LMF1: variants seen among roughly 807,000 people sequenced by gnomAD.
LMF1 encodes lipase maturation factor 1, also known as transmembrane protein 112.
In LMF1, 68 loss-of-function variants were observed where a neutral mutation model predicts 60.6. The ratio of observed to expected loss-of-function variants is 1.12; its 90% CI spans 0.92 to 1.37. The LOEUF (loss-of-function observed/expected upper bound fraction) is 1.37, where lower values mean the gene tolerates loss of function less well. Ranked by LOEUF, LMF1 falls within the 40% of genes most tolerant of loss-of-function variation. LMF1 has a pLI of 0.00. For missense variants in LMF1, 948 were observed against 767.2 expected, an observed-to-expected ratio of 1.24 and a Z score of -2.78; for synonymous variants, 418 against 324.7, an observed-to-expected ratio of 1.29 and a Z score of -3.09.
rs2072835791 is a variant in LMF1, at chr16:962,653, C to G, written c.194-7987G>C. Among the ~76,000 whole-genome samples, 1 of 152,232 alleles carries G rather than the reference C, an allele frequency of 6.6e-6. No homozygotes were observed. The highest frequency in any genetic ancestry group is 1.5e-5 in the Non-Finnish European group (1 of 68,044). ...GAGGGACGCTCTACAGACGCCATGA[C>G]AGGCCTGCTTGACACTGTCAAGGTC... is the stretch of plus-strand genomic sequence containing the variant. On this transcript the variant is annotated intron_variant, in intron 1 of 10. Transcript: ENST00000262301. This position sits in a 1 kb window ranked among gnomAD's most constrained non-coding sequence, Gnocchi z 4.5.
intron 3 of LMF1, among the ~76,000 whole-genome samples, chr16:918,464 T>C (rs982324763): frequency 6.6e-5 from 10 of 152,256 alleles, no homozygotes; most frequent in Non-Finnish European, 1.5e-4. Flanking sequence ...AAAGAGTGTT[T>C]AGGATTAATG....
In LMF1 at chr16:862,089, A is replaced by G. The variant is rs77920476; in HGVS notation, c.1529+6855T>C. ...GTGGATCTCATCGACTGATTCTCAAATACGGAACCAACCTTCATCCCTGGA... is the reference window on the plus strand; with the variant it reads ...GTGGATCTCATCGACTGATTCTCAAGTACGGAACCAACCTTCATCCCTGGA... On this transcript the variant is annotated intron_variant, in intron 10 of 10. Coordinates refer to ENST00000262301, the MANE Select transcript of LMF1 (RefSeq NM_022773.4). 6.8e-3 allele frequency among the ~76,000 whole-genome samples: 1,024 copies of G among 149,886 alleles called. 14 individuals are homozygous for G. The highest frequency in any genetic ancestry group is 0.024 in the African/African-American group (978 of 40,678).
intron 3 of LMF1, among the ~76,000 whole-genome samples, chr16:917,988 G>A (rs1214186822): frequency 2.0e-5 from 3 of 152,332 alleles, no homozygotes; most frequent in Non-Finnish European, 2.9e-5. Context: ...TCTGCTGCCC[G>A]CAAGACATAC....
At chr16:967,263 C>T (rs76357648) in intron 1 of LMF1, among the ~76,000 whole-genome samples, 1,850 of 152,356 alleles carry the variant, frequency 0.012, 26 homozygotes, top group South Asian at 0.1. Flanking sequence ...TTGCCACACA[C>T]GCCCCCGTAC....
upstream of LMF1, among the ~76,000 whole-genome samples, chr16:972,249 CT>C (rs893437061): frequency 6.4e-5 from 6 of 94,314 alleles, no homozygotes; most frequent in African/African-American, 3.1e-4. Context: ...GTTTCCATTT[CT>C]TTTCTATGAA....
Position 871,345 on chromosome 16 carries a change from T to G in LMF1, c.898-4A>C, listed in dbSNP as rs746965157. The G allele has an allele frequency of 3.1e-6, 5 of 1,610,622 alleles. No individual in the cohort carries two copies. Among genetic ancestry groups the G allele is most frequent in the Non-Finnish European group, 3.4e-6 (4 of 1,179,350 alleles). On this transcript the variant is annotated splice_region_variant and splice_polypyrimidine_tract_variant and intron_variant, in intron 6 of 10. Coordinates refer to ENST00000262301, the MANE Select transcript of LMF1 (RefSeq NM_022773.4). ...TCCCGCTGACGATGAGGACGGCCTG[T>G]GGAGACGCCGCAGCTGAGTCTCGTG...
In LMF1 at chr16:895,728, G is replaced by C. The variant is rs11859335; in HGVS notation, c.664-2656C>G. ...GACACGAATGAGAAACGGCAGGGGA[G>C]TGGGACCAAGAGCCCAGCCCGGCCC... On this transcript the variant is annotated intron_variant, in intron 4 of 10. Coordinates refer to ENST00000262301, the MANE Select transcript of LMF1 (RefSeq NM_022773.4). Among the ~76,000 whole-genome samples, 7 of 151,540 alleles carry C rather than the reference G, an allele frequency of 4.6e-5. No individual in the cohort carries two copies. The South Asian group carries it at 1.5e-3, about 32-fold the overall frequency.
chr16:870,922 T>G (rs537438168), intron 7 of LMF1, 40 bp from the exon 8 acceptor site: 1 of 1,562,678 alleles, frequency 6.4e-7, no homozygotes, highest in African/African-American at 1.3e-5. Flanking sequence ...GGCTCCCAGC[T>G]GCCCCGTGGC....
chr16:917,476 G>A (rs550877011), intron 3 of LMF1, among the ~76,000 whole-genome samples: 23 of 128,776 alleles, frequency 1.8e-4, no homozygotes, highest in African/African-American at 4.6e-4. Flanking sequence ...ACACGTGTGC[G>A]CTGCGGGCGG....
intron 9 of LMF1, 54 bp downstream of exon 9, chr16:869,822 TATGGGCA>T: frequency 6.5e-7 from 1 of 1,532,370 alleles, no homozygotes; most frequent in Non-Finnish European, 8.9e-7. Context: ...ACCTGCCATC[TATGGGCA>T]GAAGAGGGTG....
chr16:873,070 T>TTCGGGGC (rs1279591971), intron 6 of LMF1: 1 of 152,282 alleles, frequency 6.6e-6, no homozygotes, highest in Non-Finnish European at 1.5e-5. Flanking sequence ...CTAAGAAAGC[T>TTCGGGGC]TCGGGGCTCG....
At chr16:869,261 C>A (rs2069704927) in intron 9 of LMF1, 2 of 667,432 alleles carry the variant, frequency 3.0e-6, no homozygotes, top group Non-Finnish European at 5.5e-6. Flanking sequence ...CCCATGTCGG[C>A]CGCTGGCTTC....
chr16:964,249 T>C (rs1490692540), intron 1 of LMF1: 15 of 405,554 alleles, frequency 3.7e-5, no homozygotes, highest in Non-Finnish European at 6.7e-5. Flanking sequence ...TGAGAGGAGA[T>C]TGCACCACTG....
intron 1 of LMF1, among the ~76,000 whole-genome samples, chr16:958,255 A>G (rs1222062475): frequency 6.6e-6 from 1 of 152,244 alleles, no homozygotes; most frequent in Non-Finnish European, 1.5e-5. Flanking sequence ...ACTTTATCAA[A>G]CTGAAAAACT....
chr16:870,204 G>A (rs1157797974), intron 8 of LMF1, 138 bp from the exon 9 acceptor site: 3 of 992,476 alleles, frequency 3.0e-6, no homozygotes, highest in African/African-American at 1.6e-5. Context: ...TCCTGGTCAG[G>A]GGCTACTGAG....
chr16:917,408 T>C (rs1057515183), intron 3 of LMF1, among the ~76,000 whole-genome samples: 2 of 134,632 alleles, frequency 1.5e-5, no homozygotes, highest in Non-Finnish European at 3.1e-5. Flanking sequence ...CAGGCCCACG[T>C]GAAGAAATGC....
intron 7 of LMF1, 43 bp downstream of exon 7, chr16:871,118 T>C (rs747027359): frequency 5.3e-6 from 8 of 1,507,662 alleles, no homozygotes; most frequent in Non-Finnish European, 7.1e-6. Flanking sequence ...ACCACCCGAC[T>C]TTCTCCTGCC....
intron 1 of LMF1, chr16:976,833 C>G (rs76095567): frequency 1.3e-5 from 6 of 454,032 alleles, no homozygotes; most frequent in African/African-American, 1.2e-4. Flanking sequence ...CGCCTGCTCC[C>G]TGAATCCTTT....
At chr16:912,984 G>A (rs1003132108) in intron 3 of LMF1, among the ~76,000 whole-genome samples, 2 of 152,214 alleles carry the variant, frequency 1.3e-5, no homozygotes, top group Non-Finnish European at 2.9e-5. Flanking sequence ...TGCCTGAAGC[G>A]AGCCCCAGGC....
Sources: gnomAD v4.1 joint callset for allele counts (sites outside exome capture counted in the v4.1 genomes callset) on GRCh38, gnomAD v4.1.1 for gene constraint, Gnocchi (gnomAD v3.1) non-coding constraint, MANE v1.5 for transcripts, NCBI Gene and HGNC (gene_info 2026-07-23, HGNC 2026-07-21) for gene names.